IARS1: variants seen among roughly 807,000 people sequenced by gnomAD.
The protein encoded by IARS1 is isoleucyl-tRNA synthetase 1, also known as isoleucine--tRNA ligase, cytoplasmic.
IARS1 carries 124 observed loss-of-function variants against 168.2 expected under a neutral mutation model. That is an observed-to-expected ratio of 0.74 (90% CI 0.64 to 0.86). IARS1 has a LOEUF of 0.86. Ranked by LOEUF, IARS1 falls within the 40% of genes least tolerant of loss-of-function variation. The pLI is 0.00. For synonymous variants in IARS1, 532 were observed against 529.4 expected (o/e 1.00, Z -0.07); for missense variants, 1,452 against 1,515.8 (o/e 0.96, Z 0.70).
intron 22 of IARS1, among the ~76,000 whole-genome samples, chr9:92,251,451 C>T (rs745513871): frequency 3.7e-4 from 56 of 152,132 alleles, no homozygotes; most frequent in Non-Finnish European, 6.3e-4. Flanking sequence ...TATATATTTA[C>T]TCAGACAGGT....
chr9:92,220,141 C>A (rs1307080254), intron 33 of IARS1, among the ~76,000 whole-genome samples: 5 of 149,300 alleles, frequency 3.3e-5, no homozygotes, highest in African/African-American at 1.0e-4. Flanking sequence ...AATTGGAAAT[C>A]ATCATTCTCA....
chr9:92,212,508 T>C (rs1329258349), intron 33 of IARS1, among the ~76,000 whole-genome samples: 1 of 152,194 alleles, frequency 6.6e-6, no homozygotes, highest in Non-Finnish European at 1.5e-5. Flanking sequence ...ACATAATTCA[T>C]ACAGACATGG....
At chr9:92,234,241 T>C (rs1827149946) in intron 30 of IARS1, among the ~76,000 whole-genome samples, 1 of 152,218 alleles carries the variant, frequency 6.6e-6, no homozygotes. Context: ...TTCAATTACT[T>C]TGGAAACCCA....
chr9:92,264,708 T>C (rs1832033059), intron 16 of IARS1, among the ~76,000 whole-genome samples: 1 of 152,156 alleles, frequency 6.6e-6, no homozygotes, highest in South Asian at 2.1e-4. Flanking sequence ...GTGAGATCAT[T>C]GAAATTGTAA....
chr9:92,240,665 T>C (rs1407125596), intron 30 of IARS1, 191 bp downstream of exon 30: 1 of 717,722 alleles, frequency 1.4e-6, no homozygotes, highest in South Asian at 1.5e-5. Flanking sequence ...AAGTGGTAGA[T>C]TTCAGGAATG....
At chr9:92,214,964 G>C (rs936798732) in intron 33 of IARS1, among the ~76,000 whole-genome samples, 4 of 152,318 alleles carry the variant, frequency 2.6e-5, no homozygotes, top group East Asian at 1.9e-4. Flanking sequence ...CCACCTCTGG[G>C]GGCAGGGCAC....
At chr9:92,251,298 G>A in intron 22 of IARS1, 1 of 342,830 alleles carries the variant, frequency 2.9e-6, no homozygotes. Flanking sequence ...ATGGAGTAAA[G>A]GAAACAGGAT....
chr9:92,285,691 A>G (rs778727048), intron 6 of IARS1, 31 bp downstream of exon 6: 7 of 1,367,944 alleles, frequency 5.1e-6, no homozygotes, highest in East Asian at 2.3e-5. Flanking sequence ...ACAAAACTCA[A>G]TGCTGAATAA....
intron 7 of IARS1, among the ~76,000 whole-genome samples, chr9:92,280,344 C>T (rs1000736644): frequency 1.3e-5 from 2 of 152,132 alleles, no homozygotes; most frequent in African/African-American, 2.4e-5. Flanking sequence ...TTTTAAATCT[C>T]GGAAAGGCCC....
intron 10 of IARS1, among the ~76,000 whole-genome samples, chr9:92,272,618 G>C (rs1329411136): frequency 6.6e-6 from 1 of 152,208 alleles, no homozygotes; most frequent in Non-Finnish European, 1.5e-5. Flanking sequence ...GGGAGGCCAA[G>C]GCGGTCAGAT....
intron 23 of IARS1, 68 bp from the exon 24 acceptor site, chr9:92,250,357 T>C (rs1829837504): frequency 7.1e-6 from 7 of 988,408 alleles, no homozygotes; most frequent in East Asian, 2.4e-5. Flanking sequence ...GCACTAGGCA[T>C]GCATAAGCGA....
At chr9:92,212,994 G>C (rs1189632373) in intron 33 of IARS1, among the ~76,000 whole-genome samples, 1 of 152,148 alleles carries the variant, frequency 6.6e-6, no homozygotes, top group East Asian at 1.9e-4. Context: ...GCCCAATGAT[G>C]AGATGAGAGG....
chr9:92,243,295 T>G lies in IARS1; in HGVS notation c.2921A>C (p.Asp974Ala). Residue 974 changes from aspartate (D) to alanine (A), a missense_variant, in exon 28 of 34, where the codon GAT becomes GCT. Asp to Ala is a moderately radical substitution (Grantham distance 126). Transcript: ENST00000443024. Reference sequence around the variant, plus strand: ...TACCATTGACTGGTCAGGAGTGACATCTAAGAGGACCAAAGCCTGTGGGAA... The same window carrying G: ...TACCATTGACTGGTCAGGAGTGACAGCTAAGAGGACCAAAGCCTGTGGGAA... ...HSDAQALVLLDVTPDQSMVDE... is the reference protein window; with the variant it reads ...HSDAQALVLLAVTPDQSMVDE... The G allele has an allele frequency of 6.2e-7, 1 of 1,613,082 alleles. No individual in the cohort carries two copies. Among genetic ancestry groups the G allele is most frequent in the East Asian group, 2.2e-5 (1 of 44,864 alleles).
At position 92,268,245 on chromosome 9, in the gene IARS1, C is replaced by T. The variant is rs764982904; in HGVS notation, c.1360G>A (p.Asp454Asn). The part of the protein sequence containing the change: ...RFGNWLKDAR[D>N]WTISRNRYWG... ...TATCTGTTTCTGGAAATTGTCCAGT[C>T]ACGTGCATCTTTCAGCCAATTTCCA... is the stretch of plus-strand genomic sequence containing the variant. The change falls in exon 14 of 34, where the codon GAC (aspartate) becomes AAC (asparagine). Residue 454 changes from aspartate to asparagine, a missense_variant. Asp to Asn is a conservative substitution (Grantham distance 23). Transcript: ENST00000443024. 1.2e-6 allele frequency: 2 copies of T among 1,612,214 alleles called. No individual in the cohort carries two copies. Among genetic ancestry groups the T allele is most frequent in the Non-Finnish European group, 1.7e-6 (2 of 1,179,526 alleles).
chr9:92,223,390 A>C lies in IARS1; in HGVS notation c.3509T>G (p.Leu1170Arg). ...PSLINSSSTLLCQYINLQLLN... is the reference protein window; with the variant it reads ...PSLINSSSTLRCQYINLQLLN... ...GAGCTGTAGGTTGATATACTGACAA[A>C]GAAGAGTACTAGAACTGTTGATCAG... is the stretch of plus-strand genomic sequence containing the variant. Residue 1170 changes from leucine (L) to arginine (R), a missense_variant, in exon 32 of 34, where the codon CTT (leucine) becomes CGT (arginine). Physicochemically the swap from Leu to Arg is moderately radical, Grantham distance 102 (BLOSUM62 -2). Transcript: ENST00000443024. The C allele has an allele frequency of 3.1e-6, 5 of 1,613,906 alleles. No individual in the cohort carries two copies. The highest frequency in any genetic ancestry group is 4.2e-6 in the Non-Finnish European group (5 of 1,179,826).
chr9:92,246,174 T>A (rs988179566), intron 26 of IARS1, among the ~76,000 whole-genome samples: 1 of 152,348 alleles, frequency 6.6e-6, no homozygotes, highest in Non-Finnish European at 1.5e-5. Context: ...TTGAGTTGAT[T>A]AGTAATTAGT....
intron 10 of IARS1, among the ~76,000 whole-genome samples, chr9:92,272,612 G>A (rs1247081488): frequency 6.6e-6 from 1 of 152,198 alleles, no homozygotes; most frequent in Non-Finnish European, 1.5e-5. Context: ...CACTTTGGGA[G>A]GCCAAGGCGG....
Position 92,288,221 on chromosome 9 carries a change from C to T in IARS1, c.181G>A (p.Ala61Thr), listed in dbSNP as rs1835760641. ...GTAACTATATCTTTAATTGTACCCG[C>T]AAGTATATGTCCATAGTGAGGCAGT... ...TGLPHYGHIL[A>T]GTIKDIVTRY... The change falls in exon 3 of 34, where the codon GCG becomes ACG. Residue 61 changes from alanine (A) to threonine (T), a missense_variant. Physicochemically the swap from Ala to Thr is moderately conservative, Grantham distance 58 (BLOSUM62 0). Transcript: ENST00000443024. 1.2e-6 allele frequency: 2 copies of T among 1,613,938 alleles called. No homozygotes were observed. The highest frequency in any genetic ancestry group is 1.7e-6 in the Non-Finnish European group (2 of 1,179,902).
intron 30 of IARS1, chr9:92,240,417 C>T (rs2133592843): frequency 2.2e-6 from 1 of 452,204 alleles, no homozygotes; most frequent in South Asian, 3.6e-5. Context: ...GTACCTGCCA[C>T]CATGCCTGGC....
Sources: allele counts gnomAD v4.1 joint callset (sites outside exome capture counted in the v4.1 genomes callset), GRCh38; gene constraint gnomAD v4.1.1; transcripts MANE v1.5; gene names NCBI Gene and HGNC (gene_info 2026-07-23, HGNC 2026-07-21).